EYS: variants seen among roughly 807,000 people sequenced by gnomAD.
The protein encoded by EYS is EGF-like photoreceptor maintenance factor, also known as protein eyes shut homolog.
A neutral mutation model predicts 282.1 loss-of-function variants in EYS; 250 were observed. That is an observed-to-expected ratio of 0.89 (90% CI 0.80 to 0.98). The LOEUF (loss-of-function observed/expected upper bound fraction) is 0.98, where lower values mean the gene tolerates loss of function less well. Ranked by LOEUF, EYS falls within the 50% of genes least tolerant of loss-of-function variation. EYS has a pLI of 0.00. For missense variants in EYS, 4,016 were observed against 3,709.0 expected, an observed-to-expected ratio of 1.08 and a Z score of -2.15; for synonymous variants, 1,355 against 1,282.9, an observed-to-expected ratio of 1.06 and a Z score of -1.20.
intron 34 of EYS, among the ~76,000 whole-genome samples, chr6:63,989,614 T>TAGATTTCA (rs1562135834): frequency 6.6e-6 from 1 of 150,604 alleles, no homozygotes; most frequent in Admixed American, 6.6e-5. Flanking sequence ...TTGGAGTCCA[T>TAGATTTCA]AGAAGTGCCT....
At chr6:63,953,084 C>A (rs936454012) in intron 35 of EYS, among the ~76,000 whole-genome samples, 5 of 152,078 alleles carry the variant, frequency 3.3e-5, no homozygotes, top group African/African-American at 1.2e-4. Flanking sequence ...CTATTTTGTC[C>A]TCAATACCTT....
chr6:64,952,816 C>T (rs912934625), intron 14 of EYS, among the ~76,000 whole-genome samples: 7 of 151,820 alleles, frequency 4.6e-5, no homozygotes, highest in African/African-American at 1.4e-4. Context: ...TATATTATTG[C>T]GTATTTCTCT....
At chr6:65,374,843 C>G (rs890759024) in intron 8 of EYS, among the ~76,000 whole-genome samples, 2 of 152,136 alleles carry the variant, frequency 1.3e-5, no homozygotes, top group African/African-American at 4.8e-5. Flanking sequence ...TTCCTCTTCA[C>G]TGGGTAGGGC....
intron 1 of EYS, among the ~76,000 whole-genome samples, chr6:65,641,860 A>G (rs1197207576): frequency 6.6e-6 from 1 of 152,118 alleles, no homozygotes; most frequent in Non-Finnish European, 1.5e-5. Context: ...AAAGCTTAAG[A>G]GTTTCTTCTG....
At chr6:63,884,274 C>T (rs958107953) in intron 35 of EYS, among the ~76,000 whole-genome samples, 1 of 151,858 alleles carries the variant, frequency 6.6e-6, no homozygotes, top group Admixed American at 6.6e-5. Context: ...TAAGAAGATA[C>T]ATCTGAAGCT....
At chr6:64,247,191 AATGTGTG>A (rs1277945853) in intron 30 of EYS, among the ~76,000 whole-genome samples, 1 of 152,262 alleles carries the variant, frequency 6.6e-6, no homozygotes, top group Admixed American at 6.5e-5. Context: ...CACCATTAAA[AATGTGTG>A]ATTACTTATT....
At chr6:64,560,313 T>C (rs1765355906) in intron 26 of EYS, among the ~76,000 whole-genome samples, 2 of 151,986 alleles carry the variant, frequency 1.3e-5, no homozygotes, top group South Asian at 2.1e-4. Flanking sequence ...TACTTGTGCA[T>C]ACAAAAATTT....
At chr6:64,373,021 T>C (rs956646068) in intron 29 of EYS, among the ~76,000 whole-genome samples, 53 of 152,226 alleles carry the variant, frequency 3.5e-4, no homozygotes, top group Non-Finnish European at 1.8e-4. Flanking sequence ...TGTATGTTGA[T>C]AATCTTTATT....
intron 26 of EYS, among the ~76,000 whole-genome samples, chr6:64,466,884 T>C (rs1481201418): frequency 3.3e-5 from 5 of 152,122 alleles, no homozygotes; most frequent in Admixed American, 6.5e-5. Context: ...TCATTTAATA[T>C]ATTTAATTTA....
At chr6:65,039,790 G>A (rs930729896) in intron 13 of EYS, among the ~76,000 whole-genome samples, 4 of 151,442 alleles carry the variant, frequency 2.6e-5, no homozygotes, top group Non-Finnish European at 5.9e-5. Context: ...TGGTATCTTA[G>A]TAAAAAAGGG....
intron 26 of EYS, among the ~76,000 whole-genome samples, chr6:64,508,667 C>A (rs1777290639): frequency 6.6e-6 from 1 of 151,090 alleles, no homozygotes; most frequent in Admixed American, 6.6e-5. Context: ...GGTCTCAGGA[C>A]TCTCCTATGC....
At chr6:65,192,470 A>AT (rs1765666543) in intron 12 of EYS, among the ~76,000 whole-genome samples, 2 of 151,752 alleles carry the variant, frequency 1.3e-5, no homozygotes, top group East Asian at 3.9e-4. Context: ...AAGGACTATA[A>AT]TTTTTTACAA....
intron 1 of EYS, among the ~76,000 whole-genome samples, chr6:65,657,249 C>T (rs948603473): frequency 1.3e-5 from 2 of 151,792 alleles, no homozygotes; most frequent in Non-Finnish European, 2.9e-5. Context: ...CCTTCTGTAG[C>T]CCATGGATTG....
chr6:64,548,667 G>T (rs1292561861), intron 26 of EYS, among the ~76,000 whole-genome samples: 2 of 152,034 alleles, frequency 1.3e-5, no homozygotes, highest in African/African-American at 2.4e-5. Context: ...ATCACACACT[G>T]GGGCCTGTTG....
At chr6:64,265,215 A>C (rs1486813105) in intron 30 of EYS, among the ~76,000 whole-genome samples, 1 of 152,150 alleles carries the variant, frequency 6.6e-6, no homozygotes, top group Non-Finnish European at 1.5e-5. Flanking sequence ...GTCACAAAAA[A>C]TGCCAATATG....
At chr6:64,310,132 G>A (rs921333711) in intron 29 of EYS, among the ~76,000 whole-genome samples, 1 of 151,800 alleles carries the variant, frequency 6.6e-6, no homozygotes. Flanking sequence ...TACACCATTG[G>A]TGGGTGTGTA....
chr6:63,951,654 C>A (rs1043715261), intron 35 of EYS, among the ~76,000 whole-genome samples: 7 of 152,174 alleles, frequency 4.6e-5, no homozygotes, highest in Non-Finnish European at 1.0e-4. Context: ...TATCTCCTCC[C>A]CTCCTCACAC....
intron 28 of EYS, among the ~76,000 whole-genome samples, chr6:64,397,588 G>C (rs1773420108): frequency 6.6e-6 from 1 of 151,740 alleles, no homozygotes; most frequent in South Asian, 2.1e-4. Context: ...ATTTCCTTTT[G>C]TTATTGGTAT....
intron 26 of EYS, among the ~76,000 whole-genome samples, chr6:64,560,695 T>C (rs192933959): frequency 5.3e-4 from 81 of 152,234 alleles, no homozygotes; most frequent in African/African-American, 1.9e-3. Flanking sequence ...AATAAAAATT[T>C]TCCTCAAAAA....
Sources: allele counts gnomAD v4.1 joint callset (sites outside exome capture counted in the v4.1 genomes callset), GRCh38; gene constraint gnomAD v4.1.1; transcripts MANE v1.5; gene names NCBI Gene and HGNC (gene_info 2026-07-23, HGNC 2026-07-21).